CTNNA3: variants seen among roughly 807,000 people sequenced by gnomAD.
CTNNA3 encodes catenin alpha-3.
A neutral mutation model predicts 95.7 loss-of-function variants in CTNNA3; 76 were observed. That is an observed-to-expected ratio of 0.79 (90% CI 0.66 to 0.96). The LOEUF (loss-of-function observed/expected upper bound fraction) is 0.96, where lower values mean the gene tolerates loss of function less well. CTNNA3 is among the 40% of genes least tolerant of loss of function. The pLI is 0.00. For synonymous variants in CTNNA3, 431 were observed against 374.4 expected (o/e 1.15, Z -1.74); for missense variants, 1,191 against 1,089.8 (o/e 1.09, Z -1.31).
chr10:65,947,682 C>T (rs950201854), intron 17 of CTNNA3, among the ~76,000 whole-genome samples: 5 of 152,186 alleles, frequency 3.3e-5, no homozygotes, highest in Admixed American at 2.0e-4. Flanking sequence ...TAAACTTAAA[C>T]GCAAGTGAAA....
At chr10:67,200,779 A>G (rs1274690263) in intron 6 of CTNNA3, among the ~76,000 whole-genome samples, 1 of 152,218 alleles carries the variant, frequency 6.6e-6, no homozygotes, top group Non-Finnish European at 1.5e-5. Flanking sequence ...CACAAAAACA[A>G]CTGTAATGTG....
chr10:66,578,866 T>C (rs949280009), intron 10 of CTNNA3, among the ~76,000 whole-genome samples: 13 of 151,440 alleles, frequency 8.6e-5, no homozygotes, highest in African/African-American at 2.7e-4. Context: ...AAGAATAAGC[T>C]AGAGAATCCC....
intron 7 of CTNNA3, among the ~76,000 whole-genome samples, chr10:66,961,061 T>C (rs1849083809): frequency 2.0e-5 from 3 of 152,160 alleles, no homozygotes; most frequent in South Asian, 4.1e-4. Flanking sequence ...CACAAATTAG[T>C]GATACAGTAA....
At chr10:67,699,797 T>C (rs1589575198), upstream of CTNNA3, among the ~76,000 whole-genome samples, 1 of 152,124 alleles carries the variant, frequency 6.6e-6, no homozygotes, top group African/African-American at 2.4e-5. Flanking sequence ...AGTGCACCGT[T>C]CGCGAGCCGA....
At chr10:67,582,907 G>C (rs941976695) in intron 3 of CTNNA3, among the ~76,000 whole-genome samples, 1 of 151,728 alleles carries the variant, frequency 6.6e-6, no homozygotes, top group Non-Finnish European at 1.5e-5. Flanking sequence ...TTTTCCATTT[G>C]CTTGGTAGAT....
chr10:66,417,569 A>C (rs1334329652), intron 11 of CTNNA3, among the ~76,000 whole-genome samples: 8 of 152,030 alleles, frequency 5.3e-5, no homozygotes, highest in Non-Finnish European at 1.2e-4. Context: ...ACAACTGCAG[A>C]ATACACATTA....
At chr10:66,119,866 G>A (rs943622817) in intron 13 of CTNNA3, among the ~76,000 whole-genome samples, 2 of 152,018 alleles carry the variant, frequency 1.3e-5, no homozygotes, top group Admixed American at 1.3e-4. Context: ...TATTTATTCT[G>A]TTACTCTGGA....
chr10:65,999,805 T>C (rs1384523570), intron 15 of CTNNA3, among the ~76,000 whole-genome samples: 1 of 152,094 alleles, frequency 6.6e-6, no homozygotes, highest in African/African-American at 2.4e-5. Context: ...GCAAATAGCA[T>C]CTTAAATTAT....
intron 9 of CTNNA3, among the ~76,000 whole-genome samples, chr10:66,759,780 T>TAAG (rs1387788545): frequency 6.6e-6 from 1 of 152,178 alleles, no homozygotes; most frequent in African/African-American, 2.4e-5. Context: ...TCCCAAATTT[T>TAAG]AAGTCTTAGC....
At chr10:66,547,359 T>TTTTTTTTTTTTTA in intron 10 of CTNNA3, among the ~76,000 whole-genome samples, 1 of 138,332 alleles carries the variant, frequency 7.2e-6, no homozygotes, top group Non-Finnish European at 1.5e-5. Flanking sequence ...TTTTTTTTTT[T>TTTTTTTTTTTTTA]TTGAGATAGA....
At chr10:66,912,434 C>A (rs1268950095) in intron 7 of CTNNA3, among the ~76,000 whole-genome samples, 1 of 151,988 alleles carries the variant, frequency 6.6e-6, no homozygotes, top group Non-Finnish European at 1.5e-5. Flanking sequence ...ACATAAAATT[C>A]TATTCTATTT....
At position 66,583,875 on chromosome 10, in the gene CTNNA3, G is replaced by T. The variant is rs1486052249; in HGVS notation, c.1374+37817C>A. On this transcript the variant is annotated intron_variant, in intron 10 of 17. Coordinates refer to ENST00000433211, the MANE Select transcript of CTNNA3 (RefSeq NM_013266.4). The stretch of plus-strand genomic sequence containing the variant: ...TGTATCCCAGAGGTTTTGATAACTT[G>T]TGTCACTGTTGTTATTCATTTCAAA... 2.0e-5 allele frequency among the ~76,000 whole-genome samples: 3 copies of T among 151,650 alleles called. No individual in the cohort carries two copies. The East Asian group carries it at 5.8e-4, about 29-fold the overall frequency.
At chr10:66,159,635 T>G (rs1050275650) in intron 13 of CTNNA3, among the ~76,000 whole-genome samples, 17 of 150,440 alleles carry the variant, frequency 1.1e-4, no homozygotes, top group Non-Finnish European at 2.2e-4. Context: ...TGTTTTTTTT[T>G]TTTTTTTTGG....
chr10:67,667,702 T>C (rs2133543141), intron 1 of CTNNA3, among the ~76,000 whole-genome samples: 1 of 152,294 alleles, frequency 6.6e-6, no homozygotes, highest in African/African-American at 2.4e-5. Flanking sequence ...AGATCGTCTC[T>C]CATACTCAAA....
At chr10:66,376,055 G>A (rs967449734) in intron 12 of CTNNA3, among the ~76,000 whole-genome samples, 3 of 152,100 alleles carry the variant, frequency 2.0e-5, no homozygotes, top group African/African-American at 7.2e-5. Context: ...AAACTAGGTG[G>A]GGGTTGGAGG....
intron 1 of CTNNA3, among the ~76,000 whole-genome samples, chr10:67,741,130 G>T (rs560499373): frequency 1.3e-5 from 2 of 150,646 alleles, no homozygotes; most frequent in Admixed American, 6.7e-5. Flanking sequence ...GGACACAGGA[G>T]GGGGAACATC....
chr10:67,387,698 C>T (rs1051704946), intron 5 of CTNNA3, among the ~76,000 whole-genome samples: 8 of 152,184 alleles, frequency 5.3e-5, no homozygotes, highest in Non-Finnish European at 7.3e-5. Flanking sequence ...TCTCCCAGCA[C>T]GCAGCTGGAG....
At chr10:66,699,666 C>CTTTTTTT (rs10627549) in intron 9 of CTNNA3, among the ~76,000 whole-genome samples, 2 of 146,316 alleles carry the variant, frequency 1.4e-5, no homozygotes, top group Non-Finnish European at 1.5e-5. Flanking sequence ...TGATATTTAC[C>CTTTTTTT]TTTTTTTTTT....
intron 9 of CTNNA3, among the ~76,000 whole-genome samples, chr10:66,680,595 G>T (rs1847033750): frequency 6.6e-6 from 1 of 152,022 alleles, no homozygotes; most frequent in Admixed American, 6.6e-5. Flanking sequence ...AACTAGACTG[G>T]TATGTCCACA....
Sources: allele counts gnomAD v4.1 joint callset (sites outside exome capture counted in the v4.1 genomes callset), GRCh38; gene constraint gnomAD v4.1.1; transcripts MANE v1.5; gene names NCBI Gene and HGNC (gene_info 2026-07-23, HGNC 2026-07-21).